NPAS3: variants seen among roughly 807,000 people sequenced by gnomAD.
The protein encoded by NPAS3 is neuronal PAS domain protein 3, also known as neuronal PAS domain-containing protein 3.
Under a neutral mutation model 73.1 loss-of-function variants are expected in NPAS3, and 14 were observed. The observed-to-expected ratio is 0.19, with a 90% confidence interval of 0.13 to 0.30. NPAS3 has a LOEUF of 0.30. Ranked by LOEUF, NPAS3 falls within the 10% of genes least tolerant of loss-of-function variation. The pLI is 1.00. For missense variants in NPAS3, 1,096 were observed against 1,250.0 expected, an observed-to-expected ratio of 0.88 and a Z score of 1.86; for synonymous variants, 620 against 541.5, an observed-to-expected ratio of 1.14 and a Z score of -2.01.
intron 3 of NPAS3, among the ~76,000 whole-genome samples, chr14:33,233,510 A>G (rs1047228286): frequency 1.3e-5 from 2 of 152,152 alleles, no homozygotes; most frequent in African/African-American, 2.4e-5. Context: ...TTAGTTACAT[A>G]CTGATCATTT....
chr14:33,466,545 A>G (rs1333566434), intron 4 of NPAS3, among the ~76,000 whole-genome samples: 1 of 152,198 alleles, frequency 6.6e-6, no homozygotes, highest in Admixed American at 6.5e-5. Flanking sequence ...CAGTTCTCAC[A>G]TTGCTGTAAA....
At chr14:33,090,179 C>A (rs1341852937) in intron 2 of NPAS3, among the ~76,000 whole-genome samples, 1 of 152,188 alleles carries the variant, frequency 6.6e-6, no homozygotes, top group Non-Finnish European at 1.5e-5. Context: ...GGACTAAATG[C>A]TCCAGTTAAA....
intron 4 of NPAS3, among the ~76,000 whole-genome samples, chr14:33,481,163 G>C (rs2051308019): frequency 6.6e-6 from 1 of 152,134 alleles, no homozygotes; most frequent in Non-Finnish European, 1.5e-5. Context: ...AATAAATAAT[G>C]ACAAATTGGA....
At chr14:33,057,633 T>A (rs1307095668) in intron 2 of NPAS3, among the ~76,000 whole-genome samples, 1 of 152,232 alleles carries the variant, frequency 6.6e-6, no homozygotes, top group African/African-American at 2.4e-5. Context: ...AAGGCTTCCC[T>A]GCTAGCTGTA....
At chr14:33,169,523 A>G (rs1305624671) in intron 2 of NPAS3, among the ~76,000 whole-genome samples, 2 of 152,196 alleles carry the variant, frequency 1.3e-5, no homozygotes, top group African/African-American at 4.8e-5. Context: ...AGCCGAGATC[A>G]TGCCACTGTA....
chr14:33,311,165 G>A (rs573099881), intron 3 of NPAS3, among the ~76,000 whole-genome samples: 2 of 152,144 alleles, frequency 1.3e-5, no homozygotes, highest in Admixed American at 6.6e-5. Context: ...GCCTTTTGGG[G>A]TATTCTCTGG....
rs528397476 is a variant in NPAS3 at position 33,094,428 on chromosome 14, G to T, written c.140+38434G>T. Among the ~76,000 whole-genome samples, 3 of 150,804 alleles carry T rather than the reference G, an allele frequency of 2.0e-5. No homozygotes were observed. In the South Asian group the frequency reaches 6.3e-4, roughly 32 times the overall value. ...AATCTTTGATCTTCCCTCTGCATTT[G>T]TGGCTGCATGTTTTATCTTACTCAA... On this transcript the variant is annotated intron_variant, in intron 2 of 11. Coordinates refer to ENST00000356141, the Ensembl canonical transcript of NPAS3.
intron 3 of NPAS3, among the ~76,000 whole-genome samples, chr14:33,271,349 G>A (rs1483072048): frequency 6.6e-6 from 1 of 152,180 alleles, no homozygotes; most frequent in African/African-American, 2.4e-5. Flanking sequence ...AAGGGAAAGA[G>A]AGTAGTATTT....
chr14:33,761,073 A>G (rs1035023787), intron 7 of NPAS3, among the ~76,000 whole-genome samples: 1 of 152,236 alleles, frequency 6.6e-6, no homozygotes, highest in African/African-American at 2.4e-5. Context: ...ATAGAACCCT[A>G]TAAAGAAACT....
chr14:33,364,780 C>G (rs897509343), intron 3 of NPAS3, among the ~76,000 whole-genome samples: 3 of 152,042 alleles, frequency 2.0e-5, no homozygotes, highest in Admixed American at 6.6e-5. Context: ...GCCCCACCCC[C>G]CACACCCCCA....
intron 6 of NPAS3, among the ~76,000 whole-genome samples, chr14:33,687,356 T>C (rs922577859): frequency 6.6e-6 from 1 of 152,230 alleles, no homozygotes; most frequent in Non-Finnish European, 1.5e-5. Context: ...TCAAGTATAG[T>C]GTGTGTCTTT....
rs182165529 is a variant in NPAS3, at chr14:33,317,506, C to T, written c.386-49680C>T. ...CCAAATTTCACCTTGAACTGTACTT[C>T]CCATAATCCTCCCATGTTGTGGGAG... On this transcript the variant is annotated intron_variant, in intron 3 of 11. Transcript: ENST00000356141. Among the ~76,000 whole-genome samples the T allele has an allele frequency of 2.8e-4, 43 of 152,162 alleles. 1 individual carries two copies. Among genetic ancestry groups the T allele is most frequent in the Admixed American group, 2.8e-3 (43 of 15,272 alleles).
intron 4 of NPAS3, among the ~76,000 whole-genome samples, chr14:33,396,217 G>A (rs1177355545): frequency 2.0e-5 from 3 of 152,138 alleles, no homozygotes; most frequent in Non-Finnish European, 2.9e-5. Context: ...GCTCATTTGA[G>A]TTGTAAACAT....
At chr14:33,073,100 G>T (rs534109676) in intron 2 of NPAS3, among the ~76,000 whole-genome samples, 1 of 152,072 alleles carries the variant, frequency 6.6e-6, no homozygotes. Flanking sequence ...CAAATTGGTC[G>T]TGTTTTATTT....
At chr14:33,139,080 T>C (rs528814038) in intron 2 of NPAS3, among the ~76,000 whole-genome samples, 1 of 152,210 alleles carries the variant, frequency 6.6e-6, no homozygotes. Flanking sequence ...TTACTCCCAG[T>C]GGTTGGGAAC....
chr14:33,151,114 A>G (rs898557831), intron 2 of NPAS3, among the ~76,000 whole-genome samples: 1 of 152,196 alleles, frequency 6.6e-6, no homozygotes, highest in Admixed American at 6.5e-5. Flanking sequence ...AAAGATAACT[A>G]TTTCTTTGCA....
At chr14:33,554,265 G>A (rs184749671) in intron 4 of NPAS3, among the ~76,000 whole-genome samples, 56 of 152,318 alleles carry the variant, frequency 3.7e-4, no homozygotes, top group Admixed American at 2.2e-3. Context: ...CATAGTGCCC[G>A]AATTCAGGCT....
At chr14:33,628,423 C>G (rs1299210539) in intron 5 of NPAS3, among the ~76,000 whole-genome samples, 25 of 152,114 alleles carry the variant, frequency 1.6e-4, no homozygotes, top group Admixed American at 1.6e-3. Context: ...TCAGGGAGTA[C>G]AAAGATAATT....
intron 5 of NPAS3, among the ~76,000 whole-genome samples, chr14:33,663,062 C>G (rs1418047396): frequency 2.0e-5 from 3 of 151,720 alleles, no homozygotes; most frequent in African/African-American, 7.3e-5. Context: ...TTTGAATACC[C>G]TTTATTTTTT....
Sources: gnomAD v4.1 joint callset for allele counts (sites outside exome capture counted in the v4.1 genomes callset) on GRCh38, gnomAD v4.1.1 for gene constraint, MANE v1.5 for transcripts, NCBI Gene and HGNC (gene_info 2026-07-23, HGNC 2026-07-21) for gene names.